Variants in MBOAT7 observed in about 807,000 individuals in gnomAD.
MBOAT7 encodes the protein membrane-bound acylglycerophosphatidylinositol O-acyltransferase MBOAT7.
Under a neutral mutation model 47.4 loss-of-function variants are expected in MBOAT7, and 40 were observed. The ratio of observed to expected loss-of-function variants is 0.84; its 90% confidence interval spans 0.66 to 1.10. MBOAT7 has a LOEUF of 1.10. Among genes scored for constraint, MBOAT7 ranks in the 50% least tolerant of loss-of-function variants. The pLI is 0.00. For missense variants in MBOAT7, 680 were observed against 655.6 expected, an observed-to-expected ratio of 1.04 and a Z score of -0.41; for synonymous variants, 361 against 292.0, an observed-to-expected ratio of 1.24 and a Z score of -2.41.
chr19:54,186,860 T>A (rs1187508192), intron 4 of MBOAT7: 1 of 417,148 alleles, frequency 2.4e-6, no homozygotes, highest in African/African-American at 2.0e-5. Flanking sequence ...GCTACAGAGA[T>A]TCAAGGACAG....
rs1162370234 is a variant in MBOAT7, at chr19:54,181,121, C to T, written c.506G>A (p.Arg169His). Residue 169 changes from arginine to histidine, a missense_variant, in exon 6 of 8, where the codon CGC (arginine) becomes CAC (histidine). Transcript: ENST00000245615. ...YVGIMTGPFF[R>H]YRTYLDWLEQ... ...CAGCCAGTCCAGGTAGGTGCGGTAGCGGAAGAACGGGCCTGTGGGGCGGGG... is the reference window on the plus strand; with the variant it reads ...CAGCCAGTCCAGGTAGGTGCGGTAGTGGAAGAACGGGCCTGTGGGGCGGGG... 6 of 1,448,608 alleles carry T rather than the reference C, an allele frequency of 4.1e-6. No homozygotes were observed. Among genetic ancestry groups the T allele is most frequent in the Admixed American group, 2.6e-5 (1 of 38,376 alleles). 89.7% of individuals were successfully genotyped at this position (1,448,608 alleles called of 1,614,324 possible). A position where few individuals can be genotyped will look rare whatever the true frequency, so the allele number is the denominator to read the frequency against.
intron 7 of MBOAT7, chr19:54,178,544 T>G: frequency 7.0e-7 from 1 of 1,423,570 alleles, no homozygotes. Context: ...TGAGTGAGGC[T>G]GACTTTACAG....
chr19:54,183,781 G>A (rs1275723524), intron 4 of MBOAT7, 101 bp from the exon 5 acceptor site: 5 of 1,239,104 alleles, frequency 4.0e-6, no homozygotes, highest in East Asian at 2.9e-5. Flanking sequence ...GGGGTGCTGG[G>A]TGCCCGCAGC....
Position 54,174,165 on chromosome 19 carries a change from A to G in MBOAT7, c.1298T>C (p.Ile433Thr). The G allele has an allele frequency of 6.2e-7, 1 of 1,600,964 alleles. No homozygotes were observed. Among genetic ancestry groups the G allele is most frequent in the Non-Finnish European group, 8.5e-7 (1 of 1,173,876 alleles). Residue 433 changes from isoleucine (I) to threonine (T), a missense_variant, in exon 8 of 8, where the codon ATC becomes ACC. Ile to Thr is a moderately conservative substitution (Grantham distance 89). Transcript: ENST00000245615. ...CAGGGCTGCCAGGGCCAGGAAGTGG[A>G]TACAGAAGTAGATGGAGGCCCAGTA... ...LRYWASIYFCIHFLALAALGL... is the reference protein window; with the variant it reads ...LRYWASIYFCTHFLALAALGL...
chr19:54,188,980 C>A (rs1384855944), intron 1 of MBOAT7, among the ~76,000 whole-genome samples: 3 of 151,864 alleles, frequency 2.0e-5, no homozygotes, highest in African/African-American at 7.3e-5. Context: ...AACCCAGACC[C>A]CCTCTTTGGA....
rs4806721 is a variant in MBOAT7, at chr19:54,174,065, C to T, written c.1398G>A (p.Pro466=). The stretch of plus-strand genomic sequence containing the variant: ...CAGCTTACTCCTCCCGGAGCTTCTC[C>T]GGGGCAAGGCTGGTGGGCTGGGATG... ...KAASQPTSLA[P]EKLREE Residue 466 remains proline (P), a synonymous_variant, in exon 8 of 8, where the codon CCG becomes CCA. Coordinates refer to ENST00000245615, the MANE Select transcript of MBOAT7 (RefSeq NM_024298.5). 780 of 1,600,938 alleles carry T rather than the reference C, an allele frequency of 4.9e-4. 12 individuals are homozygous for T. In the East Asian group the frequency reaches 0.015, roughly 30 times the overall value.
chr19:54,184,163 T>G (rs73936631), intron 4 of MBOAT7, among the ~76,000 whole-genome samples: 2 of 80,936 alleles, frequency 2.5e-5, no homozygotes, highest in Non-Finnish European at 4.8e-5. Context: ...CTCTCTCTCT[T>G]TTTTTTTTTT....
intron 7 of MBOAT7, chr19:54,178,191 T>G: frequency 3.8e-4 from 378 of 981,900 alleles, no homozygotes; most frequent in Non-Finnish European, 4.2e-4. Flanking sequence ...ATTCCAGGCG[T>G]GAGCTGCCGC....
rs761565984 is a variant in MBOAT7 at position 54,177,900 on chromosome 19, G to GTTTTTTTTTTTTTTT, written c.1031+850_1031+864dup. Among the ~76,000 whole-genome samples, 10 of 75,998 alleles carry GTTTTTTTTTTTTTTT rather than the reference G, an allele frequency of 1.3e-4. 2 individuals carry two copies. The highest frequency in any genetic ancestry group is 2.2e-4 in the Non-Finnish European group (9 of 41,168). The allele number at this position is 75,998 out of a possible 152,430, so 49.9% of individuals were successfully genotyped here. A position where few individuals can be genotyped will look rare whatever the true frequency, so the allele number is the denominator to read the frequency against. On this transcript the variant is annotated intron_variant, in intron 7 of 7. Transcript: ENST00000245615. ...ATGCCTGGCTATGAGTTCTACTTCT[G>GTTTTTTTTTTTTTTT]TTTTTTTTTTTTTTTTTTTTTTTTT...
At position 54,173,725 on chromosome 19, in the gene MBOAT7, A is replaced by ATT. The variant is rs1189789262; in HGVS notation, c.*317_*318dup. On this transcript the variant is annotated 3_prime_UTR_variant, in exon 8 of 8. Coordinates refer to ENST00000245615, the MANE Select transcript of MBOAT7 (RefSeq NM_024298.5). ...CACATTGTGGATGCAAAGAAAGGGA[A>ATT]TTTGCCCAAAACCCACTGCCCAGGG... The ATT allele has an allele frequency of 9.2e-6, 3 of 325,142 alleles. No individual in the cohort carries two copies. Among genetic ancestry groups the ATT allele is most frequent in the African/African-American group, 2.1e-5 (1 of 46,698 alleles). 20.1% of individuals were successfully genotyped at this position (325,142 alleles called of 1,614,324 possible).
chr19:54,188,031 AAG>A (rs2076489281), intron 3 of MBOAT7, among the ~76,000 whole-genome samples, 184 bp downstream of exon 3: 1 of 74,732 alleles, frequency 1.3e-5, no homozygotes, highest in Non-Finnish European at 2.7e-5. Context: ...GAAAGAAAGA[AAG>A]AAAGAAAGAA....
Position 54,183,522 on chromosome 19 carries a change from T to C in MBOAT7, c.492A>G (p.Thr164=), listed in dbSNP as rs2076343898. Residue 164 remains threonine (T), a splice_region_variant and synonymous_variant, in exon 5 of 8, where the codon ACA becomes ACG. Transcript: ENST00000245615. ...AGTTGTTAGGGCAGCCCCACTCACC[T>C]GTCATGATTCCCACGTAGCAGTAGC... ...SYSYCYVGIM[T]GPFFRYRTYL... is the part of the protein sequence containing the mutation. 1 of 1,607,290 alleles carries C rather than the reference T, an allele frequency of 6.2e-7. No homozygotes were observed. The highest frequency in any genetic ancestry group is 2.3e-5 in the East Asian group (1 of 44,240).
rs1418430023 is a variant in MBOAT7, at chr19:54,182,786, C to T, written c.493+735G>A. On this transcript the variant is annotated intron_variant, in intron 5 of 7. Coordinates refer to ENST00000245615, the MANE Select transcript of MBOAT7 (RefSeq NM_024298.5). ...TGTGATCTTGGCTCACTGCAAACTC[C>T]GTCTCGTGGGTTCAAGCGATTCTCC... Among the ~76,000 whole-genome samples, 6 of 151,952 alleles carry T rather than the reference C, an allele frequency of 3.9e-5. 1 individual carries two copies. Among genetic ancestry groups the T allele is most frequent in the Admixed American group, 3.3e-4 (5 of 15,254 alleles).
Position 54,180,802 on chromosome 19 carries a change from G to T in MBOAT7, c.825C>A (p.Gly275=), listed in dbSNP as rs1568797941. 6.4e-7 allele frequency: 1 copy of T among 1,555,526 alleles called. No individual in the cohort carries two copies. The highest frequency in any genetic ancestry group is 8.6e-7 in the Non-Finnish European group (1 of 1,156,120). Residue 275 remains glycine (G), a synonymous_variant, in exon 6 of 8, where the codon GGC becomes GGA. Coordinates refer to ENST00000245615, the MANE Select transcript of MBOAT7 (RefSeq NM_024298.5). This position sits in a 1 kb window ranked among gnomAD's most constrained non-coding sequence, Gnocchi z 5.2. ...PVAAKARAGG[G]PTLQCPPPSS... is the part of the protein sequence containing the mutation. Reference sequence around the variant, plus strand: ...TGGGGGGTGGGCATTGGAGGGTGGGGCCGCCTCCGGCCCGGGCTTTGGCGG... The same window carrying T: ...TGGGGGGTGGGCATTGGAGGGTGGGTCCGCCTCCGGCCCGGGCTTTGGCGG...
chr19:54,189,205 G>C (rs909382458), intron 1 of MBOAT7, 133 bp downstream of exon 1: 1 of 152,874 alleles, frequency 6.5e-6, no homozygotes, highest in African/African-American at 2.4e-5. Context: ...GCGCATCCCC[G>C]GCAGAGCCAC....
rs544702941 is a variant in MBOAT7 at position 54,180,867 on chromosome 19, A to G, written c.760T>C (p.Cys254Arg). 6.3e-6 allele frequency: 10 copies of G among 1,588,840 alleles called. No homozygotes were observed. Among genetic ancestry groups the G allele is most frequent in the African/African-American group, 1.3e-5 (1 of 74,892 alleles). The change falls in exon 6 of 8, where the codon TGC becomes CGC. Residue 254 changes from cysteine to arginine, a missense_variant. Coordinates refer to ENST00000245615, the MANE Select transcript of MBOAT7 (RefSeq NM_024298.5). This position sits in a 1 kb window ranked among gnomAD's most constrained non-coding sequence, Gnocchi z 5.2. ...RFYVAWIAAE[C>R]GCIAAGFGAY... The stretch of plus-strand genomic sequence containing the variant: ...CCAAAGCCGGCGGCAATGCAGCCGC[A>G]CTCGGCGGCAATCCAGGCCACGTAG...
At chr19:54,188,101 G>C in intron 3 of MBOAT7, 116 bp downstream of exon 3, 1 of 936,524 alleles carries the variant, frequency 1.1e-6, no homozygotes, top group South Asian at 1.9e-5. Flanking sequence ...AGAGAAATGA[G>C]CTGATCAACA....
intron 7 of MBOAT7, among the ~76,000 whole-genome samples, chr19:54,175,015 G>C (rs897648524): frequency 8.2e-5 from 11 of 134,392 alleles, no homozygotes; most frequent in Admixed American, 6.4e-4. Context: ...TCGCTCTGTC[G>C]CCCAGGCTAG....
At chr19:54,186,549 C>T (rs1240554508) in intron 4 of MBOAT7, among the ~76,000 whole-genome samples, 2 of 152,178 alleles carry the variant, frequency 1.3e-5, no homozygotes, top group Non-Finnish European at 2.9e-5. Context: ...CTCCACACAT[C>T]CTGCGGCCTG....
Sources: allele counts gnomAD v4.1 joint callset (sites outside exome capture counted in the v4.1 genomes callset), GRCh38; gene constraint gnomAD v4.1.1; non-coding constraint Gnocchi (gnomAD v3.1); transcripts MANE v1.5; gene names NCBI Gene and HGNC (gene_info 2026-07-23, HGNC 2026-07-21).